The following GRIN2B variants were observed in gnomAD, a reference collection of about 807,000 sequenced individuals.
GRIN2B encodes glutamate ionotropic receptor NMDA type subunit 2B, also known as glutamate receptor ionotropic, NMDA 2B.
GRIN2B carries 5 observed loss-of-function variants against 114.5 expected under a neutral mutation model. The ratio of observed to expected loss-of-function variants is 0.04; its 90% CI spans 0.02 to 0.09. The LOEUF is 0.09. GRIN2B is among the 10% of genes least tolerant of loss of function. The probability of loss-of-function intolerance (pLI) is 1.00; values close to 1 mark genes in which losing one functional copy is unlikely to be tolerated. For synonymous variants in GRIN2B, 787 were observed against 745.1 expected, an observed-to-expected ratio of 1.06 and a Z score of -0.92; for missense variants, 1,108 against 1,943.5, an observed-to-expected ratio of 0.57 and a Z score of 8.08.
intron 3 of GRIN2B, among the ~76,000 whole-genome samples, chr12:13,764,662 C>G (rs11612144): frequency 0.1 from 15,356 of 152,202 alleles, 999 homozygotes; most frequent in Non-Finnish European, 0.15. Context: ...TCTATTTACT[C>G]ATTTTTATTT....
chr12:13,634,401 T>C (rs1472176265), intron 5 of GRIN2B: 1 of 152,216 alleles, frequency 6.6e-6, no homozygotes, highest in Non-Finnish European at 1.5e-5. Context: ...GTAACCACAT[T>C]GAGGTTGGCA....
chr12:13,917,003 A>T (rs1423189057), intron 2 of GRIN2B, among the ~76,000 whole-genome samples: 1 of 152,076 alleles, frequency 6.6e-6, no homozygotes, highest in Non-Finnish European at 1.5e-5. Context: ...AGAAAGCTAC[A>T]TTTCAGGAAA....
chr12:13,909,752 G>A (rs769387342), intron 2 of GRIN2B, among the ~76,000 whole-genome samples: 15 of 152,206 alleles, frequency 9.9e-5, no homozygotes, highest in Admixed American at 3.9e-4. Context: ...TAAATGTGAC[G>A]AGGAAGTAAA....
chr12:13,695,638 A>C (rs182442463), intron 4 of GRIN2B, among the ~76,000 whole-genome samples: 189 of 152,306 alleles, frequency 1.2e-3, no homozygotes, highest in African/African-American at 4.3e-3. Context: ...TGGAAGAAAT[A>C]AGGCTGAAAA....
chr12:13,640,737 G>C (rs1047068135), intron 5 of GRIN2B, among the ~76,000 whole-genome samples: 1 of 152,080 alleles, frequency 6.6e-6, no homozygotes, highest in Non-Finnish European at 1.5e-5. Flanking sequence ...GAGAAGCTTA[G>C]GGCCAAGGCA....
chr12:13,926,224 G>A (rs1257936398), intron 2 of GRIN2B, among the ~76,000 whole-genome samples: 1 of 152,056 alleles, frequency 6.6e-6, no homozygotes, highest in Admixed American at 6.6e-5. Context: ...CTAGAATCCA[G>A]AATCTTTAAA....
chr12:13,682,890 A>G (rs1950144212), intron 4 of GRIN2B, among the ~76,000 whole-genome samples: 1 of 152,164 alleles, frequency 6.6e-6, no homozygotes, highest in African/African-American at 2.4e-5. Flanking sequence ...CTGTTTCACA[A>G]CTGAATACCA....
intron 4 of GRIN2B, among the ~76,000 whole-genome samples, chr12:13,747,415 T>A (rs551438806): frequency 6.6e-6 from 1 of 152,340 alleles, no homozygotes; most frequent in East Asian, 1.9e-4. Flanking sequence ...ACATGCATTG[T>A]TATGCCTGAA....
intron 8 of GRIN2B, among the ~76,000 whole-genome samples, chr12:13,614,016 C>CAAAAAAAAAAAAAA (rs77527098): frequency 1.4e-4 from 13 of 92,886 alleles, no homozygotes; most frequent in East Asian, 7.5e-4. Context: ...CCTTGCACAG[C>CAAAAAAAAAAAAAA]AAAAAAAAAA....
chr12:13,751,331 A>T (rs988842062), intron 4 of GRIN2B, among the ~76,000 whole-genome samples: 4 of 152,212 alleles, frequency 2.6e-5, no homozygotes, highest in Non-Finnish European at 5.9e-5. Flanking sequence ...ATGAAATCAC[A>T]TTTTTAATTT....
chr12:13,643,414 C>T (rs1006513627), intron 5 of GRIN2B, among the ~76,000 whole-genome samples: 38 of 152,104 alleles, frequency 2.5e-4, no homozygotes, highest in African/African-American at 8.0e-4. Flanking sequence ...AAAAATACTT[C>T]GTTGCTAGAA....
intron 3 of GRIN2B, among the ~76,000 whole-genome samples, chr12:13,791,238 C>T (rs1034130895): frequency 1.3e-5 from 2 of 151,886 alleles, no homozygotes; most frequent in African/African-American, 4.8e-5. Context: ...CAAAGGCGGG[C>T]GGATCATGAG....
chr12:13,566,993 C>A, intron 13 of GRIN2B, 32 bp downstream of exon 13: 2 of 1,452,322 alleles, frequency 1.4e-6, no homozygotes, highest in Non-Finnish European at 1.9e-6. Flanking sequence ...CTGTCCCTAA[C>A]AAGCTTTAGG....
intron 3 of GRIN2B, among the ~76,000 whole-genome samples, chr12:13,801,375 A>G (rs1864509896): frequency 6.6e-6 from 1 of 152,060 alleles, no homozygotes; most frequent in African/African-American, 2.4e-5. Flanking sequence ...TCATCCCTAT[A>G]TCTTTCTCTA....
intron 5 of GRIN2B, among the ~76,000 whole-genome samples, chr12:13,622,859 T>TGCCTCTAAAAGGCAATTA (rs779411313): frequency 2.7e-4 from 41 of 152,336 alleles, no homozygotes; most frequent in Non-Finnish European, 4.9e-4. Flanking sequence ...AGGACCTAAT[T>TGCCTCTAAAAGGCAATTA]GCCTCTAAAA....
intron 2 of GRIN2B, among the ~76,000 whole-genome samples, chr12:13,973,043 T>C (rs1192093990): frequency 2.0e-5 from 3 of 152,086 alleles, no homozygotes; most frequent in Non-Finnish European, 2.9e-5. Context: ...GGTGGGAGGA[T>C]TAGTTAAGAA....
chr12:13,595,930 G>A (rs1363884419), intron 10 of GRIN2B, among the ~76,000 whole-genome samples: 6 of 152,042 alleles, frequency 3.9e-5, no homozygotes, highest in Non-Finnish European at 8.8e-5. Flanking sequence ...TACCCTATGT[G>A]GTGTATGTGC....
intron 10 of GRIN2B, among the ~76,000 whole-genome samples, chr12:13,593,233 C>T (rs1434375348): frequency 3.3e-5 from 5 of 152,264 alleles, no homozygotes; most frequent in African/African-American, 1.2e-4. Context: ...GCCCACATAG[C>T]CAAAACAATC....
intron 3 of GRIN2B, among the ~76,000 whole-genome samples, chr12:13,798,244 C>A: frequency 6.6e-6 from 1 of 150,452 alleles, no homozygotes. Flanking sequence ...TAAAAATGAA[C>A]ATATGATTGT....
Sources: gnomAD v4.1 joint callset for allele counts (sites outside exome capture counted in the v4.1 genomes callset) on GRCh38, gnomAD v4.1.1 for gene constraint, MANE v1.5 for transcripts, NCBI Gene and HGNC (gene_info 2026-07-23, HGNC 2026-07-21) for gene names.